Variants in SPATA13 observed in about 807,000 individuals in gnomAD.
The protein encoded by SPATA13 is spermatogenesis associated 13, also known as spermatogenesis-associated protein 13.
SPATA13 carries 50 observed loss-of-function variants against 104.0 expected under a neutral mutation model. The observed-to-expected ratio is 0.48, with a 90% CI of 0.38 to 0.61. The LOEUF is 0.61. Ranked by LOEUF, SPATA13 falls within the 20% of genes least tolerant of loss-of-function variation. The pLI is 0.00. For missense variants in SPATA13, 1,524 were observed against 1,690.6 expected (o/e 0.90, Z 1.73); for synonymous variants, 606 against 667.5 (o/e 0.91, Z 1.42).
At chr13:24,208,415 A>T (rs1007564180) in intron 1 of SPATA13, among the ~76,000 whole-genome samples, 1 of 152,246 alleles carries the variant, frequency 6.6e-6, no homozygotes, top group Non-Finnish European at 1.5e-5. Context: ...TATTGAAGTG[A>T]AACAGTGTAA....
chr13:24,055,811 A>G (rs1878521517), intron 3 of SPATA13, among the ~76,000 whole-genome samples: 1 of 152,242 alleles, frequency 6.6e-6, no homozygotes, highest in Non-Finnish European at 1.5e-5. Context: ...ATTCTAAGCC[A>G]AGTGGGCTCT....
chr13:24,122,146 C>T lies in SPATA13; in HGVS notation c.-111-100673C>T. 20 of 1,610,772 alleles carry T rather than the reference C, an allele frequency of 1.2e-5. 1 individual carries two copies. The highest frequency in any genetic ancestry group is 1.6e-5 in the Non-Finnish European group (19 of 1,176,970). On this transcript the variant is annotated intron_variant, in intron 3 of 14. Coordinates refer to the SPATA13 transcript ENST00000424834. Reference sequence around the variant, plus strand: ...CACTGAATTTGTATCCTCCATGCTTCTCAATCATTTTGGATTCATGGGCTG... The same window carrying T: ...CACTGAATTTGTATCCTCCATGCTTTTCAATCATTTTGGATTCATGGGCTG...
chr13:24,194,945 A>C (rs1229715060), intron 1 of SPATA13, among the ~76,000 whole-genome samples: 3 of 152,226 alleles, frequency 2.0e-5, no homozygotes. Context: ...CAACTTTTTA[A>C]GCTTTATTAA....
At chr13:24,190,722 A>T (rs537165440) in intron 1 of SPATA13, among the ~76,000 whole-genome samples, 1 of 152,204 alleles carries the variant, frequency 6.6e-6, no homozygotes, top group East Asian at 1.9e-4. Flanking sequence ...GAGCAAAGAG[A>T]GTGGTTTCTT....
intron 3 of SPATA13, among the ~76,000 whole-genome samples, chr13:24,052,836 T>TCCCCCCCCCCCCCCCCCCCCC (rs1878392957): frequency 7.3e-5 from 1 of 13,618 alleles, no homozygotes; most frequent in Non-Finnish European, 1.2e-4. Flanking sequence ...CAGGGGATCC[T>TCCCCCCCCCCCCCCCCCCCCC]CCCCGCCACT....
intron 3 of SPATA13, among the ~76,000 whole-genome samples, chr13:24,047,239 G>A (rs1376195925): frequency 6.6e-6 from 1 of 152,166 alleles, no homozygotes; most frequent in Non-Finnish European, 1.5e-5. Flanking sequence ...TAAAAGTAGT[G>A]TTATCTATAG....
chr13:24,220,964 T>TA (rs1364218648), intron 1 of SPATA13, among the ~76,000 whole-genome samples: 2 of 152,214 alleles, frequency 1.3e-5, no homozygotes, highest in Non-Finnish European at 2.9e-5. Flanking sequence ...TCAAGATCTT[T>TA]AAAAAATGTC....
At chr13:24,029,262 G>A (rs1424224675) in intron 3 of SPATA13, among the ~76,000 whole-genome samples, 2 of 152,114 alleles carry the variant, frequency 1.3e-5, no homozygotes, top group Non-Finnish European at 2.9e-5. Context: ...AAAGTCTGGG[G>A]CAAAGATGCA....
At chr13:24,277,373 G>A (rs1174750533) in intron 4 of SPATA13, among the ~76,000 whole-genome samples, 3 of 151,362 alleles carry the variant, frequency 2.0e-5, no homozygotes, top group Non-Finnish European at 4.4e-5. Flanking sequence ...GAACCTAGGA[G>A]GCGGAGCTTG....
intron 4 of SPATA13, among the ~76,000 whole-genome samples, chr13:24,272,245 G>A (rs1005226324): frequency 6.6e-6 from 1 of 152,106 alleles, no homozygotes; most frequent in Non-Finnish European, 1.5e-5. Context: ...AGGGGAGGCC[G>A]AGGGAAGCCC....
intron 2 of SPATA13, among the ~76,000 whole-genome samples, chr13:23,991,860 C>T (rs979380396): frequency 2.0e-5 from 3 of 152,032 alleles, no homozygotes; most frequent in Non-Finnish European, 4.4e-5. Context: ...GAAAAATCTT[C>T]CATGCCAAGC....
intron 3 of SPATA13, among the ~76,000 whole-genome samples, chr13:24,087,967 C>T (rs1430846188): frequency 6.6e-6 from 1 of 152,236 alleles, no homozygotes; most frequent in African/African-American, 2.4e-5. Flanking sequence ...AGCTTTGGGC[C>T]TTCCTCCAGC....
chr13:24,249,143 T>TA (rs1873329551), intron 2 of SPATA13, among the ~76,000 whole-genome samples: 1 of 152,234 alleles, frequency 6.6e-6, no homozygotes, highest in South Asian at 2.1e-4. Flanking sequence ...GTGCTAGGAT[T>TA]ACAGGCATGA....
At chr13:24,005,001 A>C (rs549572087) in intron 2 of SPATA13, among the ~76,000 whole-genome samples, 3 of 152,220 alleles carry the variant, frequency 2.0e-5, no homozygotes, top group Non-Finnish European at 4.4e-5. Context: ...ATGAATCTAC[A>C]TTCCCTTTTA....
chr13:24,158,135 T>G, upstream of SPATA13, among the ~76,000 whole-genome samples: 1 of 152,216 alleles, frequency 6.6e-6, no homozygotes. Context: ...AAAGCATCAG[T>G]GTTGTTAGGA....
chr13:24,010,478 C>A (rs1486216468), intron 2 of SPATA13, among the ~76,000 whole-genome samples: 3 of 131,814 alleles, frequency 2.3e-5, no homozygotes, highest in Non-Finnish European at 4.8e-5. Flanking sequence ...TTTTTTTCAT[C>A]TTTGTAGCTA....
intron 3 of SPATA13, among the ~76,000 whole-genome samples, chr13:24,116,831 A>G (rs1235277761): frequency 6.8e-6 from 1 of 147,994 alleles, no homozygotes; most frequent in African/African-American, 2.5e-5. Flanking sequence ...TTAGGTTTAG[A>G]TGAGATCATG....
chr13:24,104,258 T>C (rs182381612), intron 3 of SPATA13, among the ~76,000 whole-genome samples: 9 of 151,926 alleles, frequency 5.9e-5, no homozygotes, highest in Admixed American at 4.6e-4. Context: ...TTTTGTTTTT[T>C]GGGTTTTTTT....
intron 3 of SPATA13, among the ~76,000 whole-genome samples, chr13:24,139,493 T>G (rs1304489390): frequency 6.6e-6 from 1 of 152,212 alleles, no homozygotes; most frequent in East Asian, 1.9e-4. Context: ...CTGGTACAAT[T>G]GCAGAGGAGA....
Sources: gnomAD v4.1 joint callset for allele counts (sites outside exome capture counted in the v4.1 genomes callset) on GRCh38, gnomAD v4.1.1 for gene constraint, MANE v1.5 for transcripts, NCBI Gene and HGNC (gene_info 2026-07-23, HGNC 2026-07-21) for gene names.